Variants in TMOD2 observed in about 807,000 individuals in gnomAD.
The protein encoded by TMOD2 is tropomodulin 2, also known as tropomodulin-2.
A neutral mutation model predicts 39.9 loss-of-function variants in TMOD2; 22 were observed. The ratio of observed to expected loss-of-function variants is 0.55; its 90% CI spans 0.39 to 0.79. The LOEUF is 0.79. Ranked by LOEUF, TMOD2 falls within the 30% of genes least tolerant of loss-of-function variation. The pLI is 0.00. For missense variants in TMOD2, 386 were observed against 413.3 expected (o/e 0.93, Z 0.57); for synonymous variants, 123 against 146.1 (o/e 0.84, Z 1.14).
At chr15:51,781,015 A>G in intron 5 of TMOD2, 29 bp from the exon 6 acceptor site, 1 of 1,565,634 alleles carries the variant, frequency 6.4e-7, no homozygotes, top group Non-Finnish European at 8.6e-7. Context: ...GAGACTTTGC[A>G]TTTTTTAAAA....
rs376736955 is a variant in TMOD2, at chr15:51,777,003, A to G, written c.478A>G (p.Lys160Glu). The change falls in exon 5 of 10, where the codon AAA becomes GAA. Residue 160 changes from lysine to glutamate, a missense_variant. Physicochemically the swap from Lys to Glu is moderately conservative, Grantham distance 56. Transcript: ENST00000249700. ...AGAAACAGCCAACAATAAAGGTGGC[A>G]AAGGACCTGTCAGAAGTAAGTTGAT... Reference protein sequence around the residue: ...DEETANNKGGKGPVRNVVKGE... With the variant: ...DEETANNKGGEGPVRNVVKGE... 2.5e-6 allele frequency: 4 copies of G among 1,613,714 alleles called. No homozygotes were observed. The highest frequency in any genetic ancestry group is 3.4e-6 in the Non-Finnish European group (4 of 1,179,786).
intron 7 of TMOD2, among the ~76,000 whole-genome samples, chr15:51,785,816 G>A (rs983535384): frequency 1.3e-5 from 2 of 152,118 alleles, no homozygotes; most frequent in Admixed American, 6.5e-5. Context: ...CCAACACAAA[G>A]ATAAGCCTTT....
intron 3 of TMOD2, among the ~76,000 whole-genome samples, chr15:51,771,565 C>A (rs772352153): frequency 2.0e-5 from 3 of 152,086 alleles, no homozygotes; most frequent in African/African-American, 7.2e-5. Flanking sequence ...TTTGGGAGGC[C>A]AAGGCAGGAG....
At chr15:51,806,613 C>G in intron 9 of TMOD2, 92 bp downstream of exon 9, 2 of 1,435,514 alleles carry the variant, frequency 1.4e-6, no homozygotes, top group African/African-American at 1.4e-5. Flanking sequence ...GATACCATTC[C>G]ACTGGCCTCT....
Position 51,812,395 on chromosome 15 carries a change from T to G in TMOD2, c.*3941T>G, listed in dbSNP as rs2056161910. The G allele has an allele frequency of 6.6e-6, 1 of 152,216 alleles. No homozygotes were observed. Among genetic ancestry groups the G allele is most frequent in the African/African-American group, 2.4e-5 (1 of 41,460 alleles). 9.4% of individuals were successfully genotyped at this position (152,216 alleles called of 1,614,324 possible). On this transcript the variant is annotated 3_prime_UTR_variant, in exon 10 of 10. Coordinates refer to ENST00000249700, the MANE Select transcript of TMOD2 (RefSeq NM_014548.4). Reference sequence around the variant, plus strand: ...ATGAGAACATTTCAGATGCTCAAACTGAAAATTCTTAAAACCAATATTAAG... The same window carrying G: ...ATGAGAACATTTCAGATGCTCAAACGGAAAATTCTTAAAACCAATATTAAG...
In TMOD2 at chr15:51,781,038, T is replaced by C; in HGVS notation, c.494-6T>C. 6.3e-7 allele frequency: 1 copy of C among 1,586,062 alleles called. No homozygotes were observed. The highest frequency in any genetic ancestry group is 2.2e-5 in the East Asian group (1 of 44,622). On this transcript the variant is annotated splice_region_variant and splice_polypyrimidine_tract_variant and intron_variant, in intron 5 of 9. Coordinates refer to ENST00000249700, the MANE Select transcript of TMOD2 (RefSeq NM_014548.4). ...GCATTTTTTAAAATGAAAACTTGTG[T>C]TTTAGATGTTGTCAAAGGTGAAAAA...
At chr15:51,782,573 T>C (rs1262257934) in intron 6 of TMOD2, 148 bp from the exon 7 acceptor site, 2 of 631,396 alleles carry the variant, frequency 3.2e-6, no homozygotes, top group Non-Finnish European at 5.5e-6. Flanking sequence ...GATAGCTTGG[T>C]TGCTGAAGGC....
chr15:51,795,143 G>A (rs1201051679), intron 7 of TMOD2, among the ~76,000 whole-genome samples: 4 of 152,062 alleles, frequency 2.6e-5, no homozygotes, highest in Admixed American at 6.5e-5. Context: ...ATTTTGGTCC[G>A]GGTGCGGTGG....
rs1007978537 is a variant in TMOD2, at chr15:51,810,124, G to T, written c.*1670G>T. 1 of 121,210 alleles carries T rather than the reference G, an allele frequency of 8.3e-6. No individual in the cohort carries two copies. The allele number at this position is 121,210 out of a possible 1,614,324, so 7.5% of individuals were successfully genotyped here. On this transcript the variant is annotated 3_prime_UTR_variant, in exon 10 of 10. Transcript: ENST00000249700. ...TCTCCTTATCTATTTAAAAAACATA[G>T]TAAATAATGTTTATGGTTTTCAGTC...
intron 8 of TMOD2, among the ~76,000 whole-genome samples, chr15:51,804,172 G>A (rs745465418): frequency 2.6e-5 from 4 of 152,176 alleles, no homozygotes; most frequent in Non-Finnish European, 4.4e-5. Context: ...AGTTTTGTTT[G>A]GGATAGTGGA....
intron 9 of TMOD2, 83 bp from the exon 10 acceptor site, chr15:51,808,337 A>G: frequency 9.1e-7 from 1 of 1,102,790 alleles, no homozygotes. Context: ...TGAGATTGTC[A>G]TCTTATGTGA....
chr15:51,796,649 A>G (rs2056053238), intron 7 of TMOD2, among the ~76,000 whole-genome samples: 1 of 152,252 alleles, frequency 6.6e-6, no homozygotes, highest in South Asian at 2.1e-4. Flanking sequence ...TAAGAGATTA[A>G]CAGCAATAAC....
In TMOD2 at chr15:51,810,934, C is replaced by T. The variant is rs2056152917; in HGVS notation, c.*2480C>T. 6.6e-6 allele frequency: 1 copy of T among 152,026 alleles called. No homozygotes were observed. The highest frequency in any genetic ancestry group is 1.5e-5 in the Non-Finnish European group (1 of 68,000). The allele number at this position is 152,026 out of a possible 1,614,324, so 9.4% of individuals were successfully genotyped here. A position where few individuals can be genotyped will look rare whatever the true frequency, so the allele number is the denominator to read the frequency against. ...ATCATGGCTGTTTCTTTTGTACAAGCAGTTGTTGATAGTATTAAAGCAAGA... is the reference window on the plus strand; with the variant it reads ...ATCATGGCTGTTTCTTTTGTACAAGTAGTTGTTGATAGTATTAAAGCAAGA... On this transcript the variant is annotated 3_prime_UTR_variant, in exon 10 of 10. Coordinates refer to ENST00000249700, the MANE Select transcript of TMOD2 (RefSeq NM_014548.4).
In TMOD2 at chr15:51,768,307, A is replaced by T. The variant is rs1220326401; in HGVS notation, c.172A>T (p.Lys58Ter). 6.2e-7 allele frequency: 1 copy of T among 1,614,060 alleles called. No homozygotes were observed. Among genetic ancestry groups the T allele is most frequent in the East Asian group, 2.2e-5 (1 of 44,892 alleles). Residue 58 changes from lysine to a stop codon, truncating the protein, a stop_gained, in exon 3 of 10, where the codon AAG becomes TAG. Transcript: ENST00000249700. LOFTEE classifies it high-confidence loss of function. ...ATTTCGACAGAAAGACCAGACACAG[A>T]AGGCAGCCACCGGCCCCTTTGACCG... is the stretch of plus-strand genomic sequence containing the variant. Reference protein sequence around the residue: ...AGFRQKDQTQKAATGPFDREH... With the variant: ...AGFRQKDQTQ
Position 51,812,652 on chromosome 15 carries a change from G to A in TMOD2, c.*4198G>A, listed in dbSNP as rs1387977700. The A allele has an allele frequency of 6.6e-6, 1 of 152,144 alleles. No homozygotes were observed. Among genetic ancestry groups the A allele is most frequent in the African/African-American group, 2.4e-5 (1 of 41,432 alleles). The allele number at this position is 152,144 out of a possible 1,614,324, so 9.4% of individuals were successfully genotyped here. A position where few individuals can be genotyped will look rare whatever the true frequency, so the allele number is the denominator to read the frequency against. On this transcript the variant is annotated 3_prime_UTR_variant, in exon 10 of 10. Transcript: ENST00000249700. The stretch of plus-strand genomic sequence containing the variant: ...CCCATATTTAATTCAAGTATTTATA[G>A]CATCAGCAAAAATGGGCAGAGGGCG...
rs1403258946 is a variant in TMOD2, at chr15:51,789,576, C to T, written c.732+6748C>T. Reference sequence around the variant, plus strand: ...ATGTACGTTCTTCTCAGCACCACATCGCACTTACTCTAAAACTGACCACAT... The same window carrying T: ...ATGTACGTTCTTCTCAGCACCACATTGCACTTACTCTAAAACTGACCACAT... On this transcript the variant is annotated intron_variant, in intron 7 of 9. Transcript: ENST00000249700. Among the ~76,000 whole-genome samples, 4 of 152,122 alleles carry T rather than the reference C, an allele frequency of 2.6e-5. No individual in the cohort carries two copies. The South Asian group carries it at 6.2e-4, about 24-fold the overall frequency.
At chr15:51,781,236 G>A in intron 6 of TMOD2, 62 bp downstream of exon 6, 2 of 1,470,810 alleles carry the variant, frequency 1.4e-6, no homozygotes, top group South Asian at 1.3e-5. Flanking sequence ...ACTTACCAGA[G>A]ATGACCTATT....
At chr15:51,792,639 A>T (rs1019233046) in intron 7 of TMOD2, among the ~76,000 whole-genome samples, 7 of 152,268 alleles carry the variant, frequency 4.6e-5, no homozygotes, top group African/African-American at 1.7e-4. Context: ...GATAGACTGG[A>T]TAAAGAAAAT....
At chr15:51,783,778 G>GATAT (rs1208069064) in intron 7 of TMOD2, 1 of 151,954 alleles carries the variant, frequency 6.6e-6, no homozygotes, top group African/African-American at 2.4e-5. Context: ...TAGATAGATA[G>GATAT]ATAGATAGAT....
Sources: gnomAD v4.1 joint callset for allele counts (sites outside exome capture counted in the v4.1 genomes callset) on GRCh38, gnomAD v4.1.1 for gene constraint, MANE v1.5 for transcripts, NCBI Gene and HGNC (gene_info 2026-07-23, HGNC 2026-07-21) for gene names.